Variants in PRR16 observed in about 807,000 individuals in gnomAD.
The protein encoded by PRR16 is protein Largen.
A neutral mutation model predicts 18.2 loss-of-function variants in PRR16; 6 were observed. The observed-to-expected ratio is 0.33, with a 90% CI of 0.18 to 0.65. The LOEUF (loss-of-function observed/expected upper bound fraction) is 0.65, where lower values mean the gene tolerates loss of function less well. PRR16 is among the 30% of genes least tolerant of loss of function. The pLI, the probability that PRR16 is intolerant of heterozygous loss-of-function variation, is 0.74. For synonymous variants in PRR16, 151 were observed against 147.8 expected (o/e 1.02, Z -0.16); for missense variants, 412 against 376.6 (o/e 1.09, Z -0.78).
Position 120,488,572 on chromosome 5 carries a change from A to C in PRR16, c.159+23927A>C, listed in dbSNP as rs1169755092. Among the ~76,000 whole-genome samples, 7 of 151,900 alleles carry C rather than the reference A, an allele frequency of 4.6e-5. No homozygotes were observed. The East Asian group carries it at 1.4e-3, about 29-fold the overall frequency. On this transcript the variant is annotated intron_variant, in intron 1 of 1. Coordinates refer to ENST00000407149, the MANE Select transcript of PRR16 (RefSeq NM_001300783.2). ...TTATTAGCCTTGCTAGCGGTCTATC[A>C]ATTTTGTTGATCGTTTCAAAAAACC... is the stretch of plus-strand genomic sequence containing the variant.
intron 1 of PRR16, among the ~76,000 whole-genome samples, chr5:120,567,158 A>G (rs1413173932): frequency 1.3e-5 from 2 of 152,150 alleles, no homozygotes; most frequent in African/African-American, 2.4e-5. Context: ...CACATATGCC[A>G]TTTAAGCCTA....
At chr5:120,697,088 A>G in the PRR16 span, among the ~76,000 whole-genome samples, 1 of 152,236 alleles carries the variant, frequency 6.6e-6, no homozygotes, top group Non-Finnish European at 1.5e-5. Context: ...AAAGGAAAAC[A>G]AATTTGAAGA....
At chr5:120,710,274 G>A in the PRR16 span, among the ~76,000 whole-genome samples, 3 of 152,062 alleles carry the variant, frequency 2.0e-5, no homozygotes, top group South Asian at 2.1e-4. Context: ...GGGTACAACC[G>A]GCTGGTGCAT....
downstream of PRR16, among the ~76,000 whole-genome samples, chr5:120,689,537 C>A (rs531673205): frequency 6.6e-6 from 1 of 152,062 alleles, no homozygotes. Context: ...CTTGAAACTA[C>A]GTTTTGTTAA....
At chr5:120,709,201 G>A in the PRR16 span, among the ~76,000 whole-genome samples, 1 of 151,538 alleles carries the variant, frequency 6.6e-6, no homozygotes, top group African/African-American at 2.4e-5. Context: ...TAGAGACGGG[G>A]TTTCACCATG....
At chr5:120,490,158 T>C (rs1309822229) in intron 1 of PRR16, among the ~76,000 whole-genome samples, 1 of 152,156 alleles carries the variant, frequency 6.6e-6, no homozygotes, top group Non-Finnish European at 1.5e-5. Context: ...AGGAGTATCT[T>C]TGTGGCGTTC....
the PRR16 span, among the ~76,000 whole-genome samples, chr5:120,702,599 C>G: frequency 3.3e-5 from 5 of 152,082 alleles, no homozygotes; most frequent in African/African-American, 7.2e-5. Context: ...GAGAGGTGTC[C>G]GTGAAATGAT....
intron 1 of PRR16, among the ~76,000 whole-genome samples, chr5:120,569,261 G>A (rs1374929889): frequency 1.8e-4 from 28 of 152,088 alleles, no homozygotes; most frequent in Non-Finnish European, 2.1e-4. Flanking sequence ...ATAAGCTTGT[G>A]AATTTTATTC....
the PRR16 span, among the ~76,000 whole-genome samples, chr5:120,753,858 ATATCT>A: frequency 6.0e-5 from 5 of 82,754 alleles, no homozygotes; most frequent in African/African-American, 2.6e-4. Context: ...ATTATATATA[ATATCT>A]TATATATTAT....
At chr5:120,764,223 A>G in the PRR16 span, among the ~76,000 whole-genome samples, 2 of 151,956 alleles carry the variant, frequency 1.3e-5, no homozygotes, top group Non-Finnish European at 1.5e-5. Flanking sequence ...ATTATGTTGA[A>G]GTATGTTCCT....
At chr5:120,684,815 G>T (rs1420951463) in intron 1 of PRR16, among the ~76,000 whole-genome samples, 1 of 152,182 alleles carries the variant, frequency 6.6e-6, no homozygotes, top group Non-Finnish European at 1.5e-5. Flanking sequence ...GAACTGCATT[G>T]TCTAAGATAC....
intron 1 of PRR16, among the ~76,000 whole-genome samples, chr5:120,508,854 A>G (rs1212896699): frequency 6.6e-6 from 1 of 152,156 alleles, no homozygotes; most frequent in Non-Finnish European, 1.5e-5. Context: ...CTGCCCTGGC[A>G]TAAGCTAAAT....
chr5:120,620,773 C>G (rs1754662913), intron 1 of PRR16, among the ~76,000 whole-genome samples: 1 of 152,076 alleles, frequency 6.6e-6, no homozygotes, highest in African/African-American at 2.4e-5. Flanking sequence ...ACCTGTTTCT[C>G]TCTTTGCTCC....
intron 1 of PRR16, among the ~76,000 whole-genome samples, chr5:120,510,943 G>A (rs1161191104): frequency 6.6e-6 from 1 of 152,112 alleles, no homozygotes; most frequent in African/African-American, 2.4e-5. Flanking sequence ...ATATGATGTG[G>A]ATGAGAGTAC....
At chr5:120,652,448 A>G (rs1332160709) in intron 1 of PRR16, among the ~76,000 whole-genome samples, 1 of 152,138 alleles carries the variant, frequency 6.6e-6, no homozygotes, top group Non-Finnish European at 1.5e-5. Context: ...AAACTGACAA[A>G]TACTACCTGA....
At chr5:120,601,042 A>G (rs914890004) in intron 1 of PRR16, among the ~76,000 whole-genome samples, 4 of 151,880 alleles carry the variant, frequency 2.6e-5, no homozygotes, top group Admixed American at 1.3e-4. Context: ...ATACAACTGC[A>G]TATGTCTTTT....
chr5:120,724,531 A>AT, the PRR16 span, among the ~76,000 whole-genome samples: 1 of 152,064 alleles, frequency 6.6e-6, no homozygotes, highest in African/African-American at 2.4e-5. Context: ...ATTTTACATG[A>AT]TTTTATATTA....
At chr5:120,768,871 A>T in the PRR16 span, among the ~76,000 whole-genome samples, 39,878 of 151,466 alleles carry the variant, frequency 0.26, 5,583 homozygotes, top group Non-Finnish European at 0.3. Context: ...ATATACTTTT[A>T]TGTATTGCTG....
intron 1 of PRR16, among the ~76,000 whole-genome samples, chr5:120,474,563 T>C (rs1282821981): frequency 1.3e-5 from 2 of 151,888 alleles, no homozygotes; most frequent in African/African-American, 4.8e-5. Flanking sequence ...AGACTTCATG[T>C]CTCTTTTGTG....
Sources: allele counts gnomAD v4.1 joint callset (sites outside exome capture counted in the v4.1 genomes callset), GRCh38; gene constraint gnomAD v4.1.1; transcripts MANE v1.5; gene names NCBI Gene and HGNC (gene_info 2026-07-23, HGNC 2026-07-21).